The following PDE8B variants were observed in gnomAD, a reference collection of about 807,000 sequenced individuals.
The protein encoded by PDE8B is high affinity cAMP-specific and IBMX-insensitive 3',5'-cyclic phosphodiesterase 8B.
In PDE8B, 26 loss-of-function variants were observed where a neutral mutation model predicts 101.3. The ratio of observed to expected loss-of-function variants is 0.26; its 90% CI spans 0.19 to 0.36. The LOEUF is 0.36. Among genes scored for constraint, PDE8B ranks in the 10% least tolerant of loss-of-function variants. The probability of loss-of-function intolerance (pLI) is 1.00; values close to 1 mark genes in which losing one functional copy is unlikely to be tolerated. For missense variants in PDE8B, 810 were observed against 1,163.1 expected (o/e 0.70, Z 4.42); for synonymous variants, 424 against 429.3 (o/e 0.99, Z 0.15).
the PDE8B span, among the ~76,000 whole-genome samples, chr5:77,156,678 G>A: frequency 1.3e-5 from 2 of 152,196 alleles, no homozygotes; most frequent in Non-Finnish European, 1.5e-5. Context: ...CAGGATCACA[G>A]TGAGAGCAGA....
intron 10 of PDE8B, among the ~76,000 whole-genome samples, chr5:77,368,040 T>A (rs778501919): frequency 1.3e-4 from 20 of 152,248 alleles, no homozygotes; most frequent in African/African-American, 4.6e-4. Flanking sequence ...GAATAAGAGA[T>A]AAGTTGGAAA....
chr5:77,150,036 G>A, the PDE8B span, among the ~76,000 whole-genome samples: 1 of 152,194 alleles, frequency 6.6e-6, no homozygotes, highest in African/African-American at 2.4e-5. Flanking sequence ...TCTTGCTAGA[G>A]GACGTGTAGC....
chr5:77,231,049 G>T (rs1405268975), intron 1 of PDE8B, among the ~76,000 whole-genome samples: 1 of 152,234 alleles, frequency 6.6e-6, no homozygotes, highest in East Asian at 1.9e-4. Context: ...GGAAGCACTA[G>T]AATTAAATGT....
At chr5:77,414,621 AG>A (rs1245566316) in intron 17 of PDE8B, among the ~76,000 whole-genome samples, 4 of 150,094 alleles carry the variant, frequency 2.7e-5, no homozygotes, top group South Asian at 2.1e-4. Context: ...TAGTAGAGAC[AG>A]GGTTTCACCA....
intron 7 of PDE8B, among the ~76,000 whole-genome samples, chr5:77,345,556 C>T (rs960065809): frequency 5.9e-5 from 9 of 152,318 alleles, no homozygotes; most frequent in Middle Eastern, 3.4e-3. Flanking sequence ...GTCTAGGGAA[C>T]AGAGTATTTT....
chr5:77,135,529 T>G, the PDE8B span, among the ~76,000 whole-genome samples: 1 of 139,452 alleles, frequency 7.2e-6, no homozygotes, highest in Admixed American at 8.1e-5. Flanking sequence ...CAGGCTGGAG[T>G]GCAGTGGCAC....
chr5:77,393,043 A>G (rs1013915588), intron 10 of PDE8B, among the ~76,000 whole-genome samples: 2 of 152,228 alleles, frequency 1.3e-5, no homozygotes, highest in Admixed American at 6.5e-5. Flanking sequence ...AGAGACTTGT[A>G]GCCAGGAAGT....
chr5:77,243,512 G>T (rs753105818), intron 1 of PDE8B, among the ~76,000 whole-genome samples: 1 of 152,092 alleles, frequency 6.6e-6, no homozygotes, highest in Admixed American at 6.5e-5. Flanking sequence ...AGTTGAGCCT[G>T]CTCCCACTCC....
chr5:77,349,700 G>A, intron 8 of PDE8B, 141 bp downstream of exon 8: 1 of 985,604 alleles, frequency 1.0e-6, no homozygotes, highest in Non-Finnish European at 1.6e-6. Context: ...TGCAAAATGA[G>A]TTCGTTTTTA....
At chr5:77,395,422 T>G (rs1790846366) in intron 10 of PDE8B, among the ~76,000 whole-genome samples, 1 of 151,338 alleles carries the variant, frequency 6.6e-6, no homozygotes, top group Non-Finnish European at 1.5e-5. Context: ...ACCTTCAGTT[T>G]CTTAATAACC....
chr5:77,420,463 C>G (rs982778592), intron 19 of PDE8B, among the ~76,000 whole-genome samples: 3 of 151,870 alleles, frequency 2.0e-5, no homozygotes, highest in African/African-American at 7.2e-5. Context: ...TAATAAGATC[C>G]ACTGTTCTCT....
chr5:77,172,971 C>G, the PDE8B span, among the ~76,000 whole-genome samples: 2 of 152,194 alleles, frequency 1.3e-5, no homozygotes, highest in African/African-American at 4.8e-5. Context: ...GCATGTTACA[C>G]CAGAGTGCCA....
chr5:77,102,193 ACTGGGCTCAGCTT>A, the PDE8B span, among the ~76,000 whole-genome samples: 3 of 152,148 alleles, frequency 2.0e-5, no homozygotes, highest in Non-Finnish European at 4.4e-5. Context: ...GGCCCCAGAT[ACTGGGCTCAGCTT>A]CCCACTTGGC....
intron 6 of PDE8B, among the ~76,000 whole-genome samples, chr5:77,344,172 A>C (rs1779737533): frequency 6.6e-6 from 1 of 152,234 alleles, no homozygotes; most frequent in Admixed American, 6.5e-5. Flanking sequence ...GCAAATACAT[A>C]AACCAGTATC....
At chr5:77,401,081 A>C (rs1292760351) in intron 11 of PDE8B, among the ~76,000 whole-genome samples, 1 of 152,166 alleles carries the variant, frequency 6.6e-6, no homozygotes, top group South Asian at 2.1e-4. Context: ...AAATTTTTTC[A>C]TTTGTAAAAT....
At chr5:77,274,639 T>C (rs1299293260) in intron 1 of PDE8B, among the ~76,000 whole-genome samples, 1 of 152,202 alleles carries the variant, frequency 6.6e-6, no homozygotes, top group Non-Finnish European at 1.5e-5. Flanking sequence ...ATGTGCTTTA[T>C]TGATCTCATC....
In PDE8B at chr5:77,300,452, G is replaced by C. The variant is rs1769665429; in HGVS notation, c.340-11542G>C. Among the ~76,000 whole-genome samples the C allele has an allele frequency of 3.3e-5, 5 of 152,226 alleles. No homozygotes were observed. In the South Asian group the frequency reaches 1.0e-3, roughly 32 times the overall value. ...TTTCATACTCTCTAGGGTTTGGGGA[G>C]ATGGGAGGGGGAATTACCATGGGAG... On this transcript the variant is annotated intron_variant, in intron 1 of 21. Transcript: ENST00000264917.
At chr5:77,220,451 A>C (rs1255584393) in intron 1 of PDE8B, among the ~76,000 whole-genome samples, 1 of 152,242 alleles carries the variant, frequency 6.6e-6, no homozygotes, top group Non-Finnish European at 1.5e-5. Flanking sequence ...AAAGGTGAGA[A>C]CTTTGAATCC....
the PDE8B span, chr5:77,180,596 C>A: frequency 3.7e-6 from 2 of 535,942 alleles, no homozygotes; most frequent in Non-Finnish European, 4.8e-6. Context: ...TTTCAGACAC[C>A]CAGGTGCTAG....
Sources: allele counts gnomAD v4.1 joint callset (sites outside exome capture counted in the v4.1 genomes callset), GRCh38; gene constraint gnomAD v4.1.1; transcripts MANE v1.5; gene names NCBI Gene and HGNC (gene_info 2026-07-23, HGNC 2026-07-21).